The following SACS variants were observed in gnomAD, a reference collection of about 807,000 sequenced individuals.
The protein encoded by SACS is sacsin molecular chaperone, also known as sacsin.
A neutral mutation model predicts 348.0 loss-of-function variants in SACS; 197 were observed. The observed-to-expected ratio is 0.57, with a 90% CI of 0.50 to 0.64. SACS has a LOEUF of 0.64. SACS is among the 30% of genes least tolerant of loss of function. SACS has a pLI of 0.00. For missense variants in SACS, 4,999 were observed against 5,360.8 expected, an observed-to-expected ratio of 0.93 and a Z score of 2.11; for synonymous variants, 1,985 against 1,910.6, an observed-to-expected ratio of 1.04 and a Z score of -1.02.
At chr13:23,376,594 T>C (rs933227272) in intron 2 of SACS, among the ~76,000 whole-genome samples, 1 of 152,182 alleles carries the variant, frequency 6.6e-6, no homozygotes, top group African/African-American at 2.4e-5. Flanking sequence ...ATACAGAGAA[T>C]GTTCTACAGC....
intron 2 of SACS, among the ~76,000 whole-genome samples, chr13:23,404,980 C>A (rs1006596343): frequency 6.6e-6 from 1 of 152,166 alleles, no homozygotes; most frequent in South Asian, 2.1e-4. Flanking sequence ...AATGGCCATA[C>A]TGCCCAAAGT....
rs745389634 is a variant in SACS, at chr13:23,337,546, T to C, written c.6330A>G (p.Pro2110=). 2.5e-6 allele frequency: 4 copies of C among 1,614,026 alleles called. No individual in the cohort carries two copies. Among genetic ancestry groups the C allele is most frequent in the Non-Finnish European group, 3.4e-6 (4 of 1,179,946 alleles). The part of the protein sequence containing the change: ...CSLEGHPLVL[P]SRLIHPEGRV... ...GTCCTTCGGGGTGGATCAATCTTGA[T>C]GGCAAAACCAAAGGATGCCCCTCCA... is the stretch of plus-strand genomic sequence containing the variant. Residue 2110 remains proline (P), a synonymous_variant, in exon 10 of 10, where the codon CCA becomes CCG. Coordinates refer to ENST00000382292, the MANE Select transcript of SACS (RefSeq NM_014363.6).
rs747213520 is a variant in SACS at position 23,341,488 on chromosome 13, T to C, written c.2388A>G (p.Leu796=). 6.2e-7 allele frequency: 1 copy of C among 1,613,904 alleles called. No individual in the cohort carries two copies. Among genetic ancestry groups the C allele is most frequent in the African/African-American group, 1.3e-5 (1 of 74,904 alleles). The part of the protein sequence containing the change: ...LYIHFSEDLT[L]FDEMPLIPRT... Reference sequence around the variant, plus strand: ...TGGGGATAAGTGGCATCTCATCAAATAAAGTCAAATCCTCTGAAAAATGTA... The same window carrying C: ...TGGGGATAAGTGGCATCTCATCAAACAAAGTCAAATCCTCTGAAAAATGTA... The change falls in exon 10 of 10, where the codon TTA becomes TTG. Residue 796 remains leucine, a synonymous_variant. Transcript: ENST00000382292.
At chr13:23,368,990 T>TGC in intron 4 of SACS, among the ~76,000 whole-genome samples, 1 of 152,334 alleles carries the variant, frequency 6.6e-6, no homozygotes. Flanking sequence ...TGAGCCACCA[T>TGC]GCCTGGCCTC....
intron 2 of SACS, among the ~76,000 whole-genome samples, chr13:23,390,955 T>A (rs1872507795): frequency 6.6e-6 from 1 of 152,140 alleles, no homozygotes; most frequent in Non-Finnish European, 1.5e-5. Flanking sequence ...ACTCTGGGCT[T>A]CTCCAGGTGA....
chr13:23,385,255 T>A (rs1872241916), intron 2 of SACS, among the ~76,000 whole-genome samples: 1 of 152,136 alleles, frequency 6.6e-6, no homozygotes, highest in Non-Finnish European at 1.5e-5. Context: ...CTTCCTCCAA[T>A]GAAATCTTGA....
intron 2 of SACS, among the ~76,000 whole-genome samples, chr13:23,375,906 G>C (rs1871776124): frequency 6.6e-6 from 1 of 152,202 alleles, no homozygotes; most frequent in South Asian, 2.1e-4. Flanking sequence ...TGCAGAACTA[G>C]GCATTTCTAG....
At chr13:23,398,157 C>T (rs1388271715) in intron 2 of SACS, among the ~76,000 whole-genome samples, 1 of 151,838 alleles carries the variant, frequency 6.6e-6, no homozygotes, top group Non-Finnish European at 1.5e-5. Context: ...CGCCATTGCA[C>T]TCCAGCCTGG....
intron 2 of SACS, among the ~76,000 whole-genome samples, chr13:23,403,028 A>T (rs1873049883): frequency 6.6e-6 from 1 of 152,060 alleles, no homozygotes; most frequent in South Asian, 2.1e-4. Context: ...TACAAAAAAA[A>T]TTAGCTGGGC....
chr13:23,377,978 T>C (rs564547250), intron 2 of SACS, among the ~76,000 whole-genome samples: 4 of 152,230 alleles, frequency 2.6e-5, no homozygotes, highest in African/African-American at 7.2e-5. Context: ...AAACTTTTCT[T>C]CTCTTTGTGC....
chr13:23,360,389 A>C (rs1870655214), intron 6 of SACS, among the ~76,000 whole-genome samples: 1 of 112,960 alleles, frequency 8.9e-6, no homozygotes, highest in South Asian at 3.0e-4. Context: ...CTACAAAGAC[A>C]AAAAAAAAAA....
chr13:23,338,101 C>A lies in SACS; in HGVS notation c.5775G>T (p.Leu1925=). Residue 1925 remains leucine, a synonymous_variant, in exon 10 of 10, where the codon CTG becomes CTT. Coordinates refer to ENST00000382292, the MANE Select transcript of SACS (RefSeq NM_014363.6). ...HVIVKAYLQV[L]SVLRDLATSG... The stretch of plus-strand genomic sequence containing the variant: ...TAGTGGCCAGGTCCCGTAAGACACT[C>A]AGTACCTGTAAGTAAGCTTTCACAA... 6.2e-7 allele frequency: 1 copy of A among 1,614,148 alleles called. No homozygotes were observed. The highest frequency in any genetic ancestry group is 8.5e-7 in the Non-Finnish European group (1 of 1,179,992).
chr13:23,419,279 G>C (rs926823369), intron 1 of SACS: 4 of 152,482 alleles, frequency 2.6e-5, no homozygotes, highest in African/African-American at 9.6e-5. Flanking sequence ...TGGCACCCAG[G>C]GACTGCGGGA....
intron 9 of SACS, 27 bp downstream of exon 9, chr13:23,353,758 A>C: frequency 7.7e-7 from 1 of 1,301,708 alleles, no homozygotes; most frequent in Non-Finnish European, 1.1e-6. Flanking sequence ...ATAGAAGTTT[A>C]TTTAAAAGAA....
At chr13:23,376,585 T>C (rs541232700) in intron 2 of SACS, among the ~76,000 whole-genome samples, 2 of 152,282 alleles carry the variant, frequency 1.3e-5, no homozygotes, top group Non-Finnish European at 2.9e-5. Context: ...CAGTAGTAAA[T>C]ACAGAGAATG....
chr13:23,388,226 T>TG (rs920769556), intron 2 of SACS, among the ~76,000 whole-genome samples: 15 of 150,684 alleles, frequency 1.0e-4, no homozygotes, highest in African/African-American at 3.4e-4. Context: ...CCCAGCACTT[T>TG]GGGAGGCTGA....
intron 2 of SACS, among the ~76,000 whole-genome samples, chr13:23,409,482 G>A (rs1024495861): frequency 2.7e-5 from 4 of 149,500 alleles, no homozygotes; most frequent in African/African-American, 7.4e-5. Flanking sequence ...TCAGCCTCCC[G>A]AGTAGCTGGG....
Position 23,336,456 on chromosome 13 carries a change from T to A in SACS, c.7420A>T (p.Ile2474Leu). 1.9e-6 allele frequency: 3 copies of A among 1,614,066 alleles called. 1 individual carries two copies. Among genetic ancestry groups the A allele is most frequent in the Middle Eastern group, 3.3e-4 (2 of 6,062 alleles). ...TTTACAGTGGTATCCTTTACTTTTA[T>A]CCAAGGGCAATCATTGTAGCATAAC... ...KSLCYNDCPW[I>L]KVKDTTVKYC... is the part of the protein sequence containing the mutation. Residue 2474 changes from isoleucine to leucine, a missense_variant, in exon 10 of 10, where the codon ATA (isoleucine) becomes TTA (leucine). Ile to Leu is a conservative substitution (Grantham distance 5). This residue lies in a region of SACS where 3,156 missense variants were observed against 3,380.1 expected (regional missense o/e 0.93). Transcript: ENST00000382292.
rs773755141 is a variant in SACS, at chr13:23,340,994, C to T, written c.2882G>A (p.Arg961Gln). 15 of 1,614,022 alleles carry T rather than the reference C, an allele frequency of 9.3e-6. No homozygotes were observed. Among genetic ancestry groups the T allele is most frequent in the Non-Finnish European group, 1.2e-5 (14 of 1,179,942 alleles). The change falls in exon 10 of 10, where the codon CGA becomes CAA. Residue 961 changes from arginine to glutamine, a missense_variant. By Grantham distance (43) the Arg-to-Gln change is conservative. Transcript: ENST00000382292. Reference sequence around the variant, plus strand: ...ACTGTCTATTACTGAAATAGAAAGTCGCAGATCTGCTGGGAGTTTGGCAGT... The same window carrying T: ...ACTGTCTATTACTGAAATAGAAAGTTGCAGATCTGCTGGGAGTTTGGCAGT... ...HHTAKLPADLRLSISVIDSSD... is the reference protein window; with the variant it reads ...HHTAKLPADLQLSISVIDSSD...
Sources: allele counts gnomAD v4.1 joint callset (sites outside exome capture counted in the v4.1 genomes callset), GRCh38; gene constraint gnomAD v4.1.1; regional missense constraint gnomAD v4.1.1; transcripts MANE v1.5; gene names NCBI Gene and HGNC (gene_info 2026-07-23, HGNC 2026-07-21).